NSUN5: variants seen among roughly 807,000 people sequenced by gnomAD.
The protein encoded by NSUN5 is NOP2/Sun RNA methyltransferase 5.
In NSUN5, 39 loss-of-function variants were observed where a neutral mutation model predicts 51.1. That is an observed-to-expected ratio of 0.76 (90% CI 0.59 to 1.00). The LOEUF is 1.00. Among genes scored for constraint, NSUN5 ranks in the 50% least tolerant of loss-of-function variants. The pLI is 0.00. For missense variants in NSUN5, 526 were observed against 614.0 expected, an observed-to-expected ratio of 0.86 and a Z score of 1.51; for synonymous variants, 266 against 271.5, an observed-to-expected ratio of 0.98 and a Z score of 0.20.
In NSUN5 at chr7:73,305,017, T is replaced by G. The variant is rs144821644; in HGVS notation, c.581A>C (p.Gln194Pro). 1.0e-4 allele frequency: 167 copies of G among 1,611,458 alleles called. No homozygotes were observed. In the African/African-American group the frequency reaches 2.1e-3, roughly 20 times the overall value. Reference protein sequence around the residue: ...LMPELLVFPAQTDLHEHPLYR... With the variant: ...LMPELLVFPAPTDLHEHPLYR... ...CAGTGGGTGTTCATGCAGATCTGTC[T>G]GGGCGGGAAACACCAGCAGCTCCGG... The change falls in exon 5 of 10, where the codon CAG (glutamine) becomes CCG (proline). Residue 194 changes from glutamine (Q) to proline (P), a missense_variant. Transcript: ENST00000438747.
In NSUN5 at chr7:73,303,414, G is replaced by A. The variant is rs1803880446; in HGVS notation, c.*1C>T. On this transcript the variant is annotated 3_prime_UTR_variant, in exon 10 of 10. Transcript: ENST00000438747. Reference sequence around the variant, plus strand: ...AGGAAGGAGTCAGCCCGGAGCCTCTGCTATGTGCAAGGCGGTGTGCAAGCA... The same window carrying A: ...AGGAAGGAGTCAGCCCGGAGCCTCTACTATGTGCAAGGCGGTGTGCAAGCA... 1 of 1,614,042 alleles carries A rather than the reference G, an allele frequency of 6.2e-7. No individual in the cohort carries two copies. Among genetic ancestry groups the A allele is most frequent in the African/African-American group, 1.3e-5 (1 of 74,934 alleles).
chr7:73,306,586 G>A (rs1414931254), intron 4 of NSUN5, among the ~76,000 whole-genome samples: 6 of 151,874 alleles, frequency 4.0e-5, no homozygotes, highest in African/African-American at 1.4e-4. Context: ...GGGCTGAAGA[G>A]AAAGGAGTGG....
Position 73,308,770 on chromosome 7 carries a change from A to T in NSUN5, c.21T>A (p.Ala7=), listed in dbSNP as rs1554542413. ...TCTCCACGCCGGCCAACACGCCTGC[A>T]GCTGCAGCATACAGCCCCATGTTCC... MGLYAA[A]AGVLAGVESR... Residue 7 remains alanine, a synonymous_variant, in exon 1 of 10, where the codon GCT becomes GCA. Transcript: ENST00000438747. 6.2e-7 allele frequency: 1 copy of T among 1,613,070 alleles called. No individual in the cohort carries two copies.
Position 73,304,291 on chromosome 7 carries a change from G to C in NSUN5, c.873C>G (p.Pro291=), listed in dbSNP as rs782056635. ...GGACCTCATGGTAGCGTGGATCCGA[G>C]GGGGAGACCGCCAGGAAGTCCTCCT... The part of the protein sequence containing the change: ...LAEEDFLAVS[P]SDPRYHEVHY... The change falls in exon 7 of 10, where the codon CCC becomes CCG. Residue 291 remains proline (P), a synonymous_variant. Transcript: ENST00000438747. 4 of 1,614,014 alleles carry C rather than the reference G, an allele frequency of 2.5e-6. No individual in the cohort carries two copies. Among genetic ancestry groups the C allele is most frequent in the African/African-American group, 1.3e-5 (1 of 74,932 alleles).
chr7:73,307,740 C>G lies in NSUN5; in HGVS notation c.234G>C (p.Leu78Phe), dbSNP rs782102139. The change falls in exon 3 of 10, where the codon TTG (leucine) becomes TTC (phenylalanine). Residue 78 changes from leucine to phenylalanine, a missense_variant. Coordinates refer to ENST00000438747, the MANE Select transcript of NSUN5 (RefSeq NM_148956.4). ...CCCCTCGAAAGCCCTTTCCCAACAA[C>G]AACTCATACACTAGCACCTGGGAAT... Reference protein sequence around the residue: ...PHLAKVLVYELLLGKGFRGGG... With the variant: ...PHLAKVLVYEFLLGKGFRGGG... The G allele has an allele frequency of 6.4e-7, 1 of 1,569,098 alleles. No individual in the cohort carries two copies.
At position 73,303,418 on chromosome 7, in the gene NSUN5, T is replaced by C. The variant is rs376039129; in HGVS notation, c.1398A>G (p.Thr466=). ...AAAGACTPPC[T] Reference sequence around the variant, plus strand: ...AGGAGTCAGCCCGGAGCCTCTGCTATGTGCAAGGCGGTGTGCAAGCACCGG... The same window carrying C: ...AGGAGTCAGCCCGGAGCCTCTGCTACGTGCAAGGCGGTGTGCAAGCACCGG... The change falls in exon 10 of 10, where the codon ACA becomes ACG. Residue 466 remains threonine (T), a synonymous_variant. Coordinates refer to ENST00000438747, the MANE Select transcript of NSUN5 (RefSeq NM_148956.4). The C allele has an allele frequency of 2.0e-5, 32 of 1,614,044 alleles. No homozygotes were observed. Among genetic ancestry groups the C allele is most frequent in the Non-Finnish European group, 2.3e-5 (27 of 1,180,022 alleles).
rs7811218 is a variant in NSUN5 at position 73,307,243 on chromosome 7, G to C, written c.500+151C>G. 3,665 of 612,628 alleles carry C rather than the reference G, an allele frequency of 6.0e-3. 88 individuals carry two copies. Among genetic ancestry groups the C allele is most frequent in the African/African-American group, 0.058 (3,146 of 54,218 alleles). The allele number at this position is 612,628 out of a possible 1,614,324, so 37.9% of individuals were successfully genotyped here. ...GCTCCTAGGAGTTCGATGTTTAAGG[G>C]ATGGCAGGAAGACAAACCTTGGAGA... On this transcript the variant is annotated intron_variant, in intron 4 of 9. Transcript: ENST00000438747.
Position 73,303,471 on chromosome 7 carries a change from T to C in NSUN5, c.1345A>G (p.Arg449Gly). Residue 449 changes from arginine (R) to glycine (G), a missense_variant, in exon 10 of 10, where the codon AGA becomes GGA. Transcript: ENST00000438747. ...GCGGCTCTTTGCTGTCTCTTCTTTC[T>C]CTTTGGGGCTGGGCTGGGTGTGCGT... ...PERTPSPAPK[R>G]KKRQQRAAAG... 1.9e-6 allele frequency: 3 copies of C among 1,614,188 alleles called. No individual in the cohort carries two copies. The highest frequency in any genetic ancestry group is 2.5e-6 in the Non-Finnish European group (3 of 1,180,038).
Position 73,308,764 on chromosome 7 carries a change from G to A in NSUN5, c.27C>T (p.Gly9=). 1 of 1,612,950 alleles carries A rather than the reference G, an allele frequency of 6.2e-7. No homozygotes were observed. The highest frequency in any genetic ancestry group is 8.5e-7 in the Non-Finnish European group (1 of 1,179,822). The part of the protein sequence containing the change: MGLYAAAA[G]VLAGVESRQG... ...GGCGGCTCTCCACGCCGGCCAACACGCCTGCAGCTGCAGCATACAGCCCCA... is the reference window on the plus strand; with the variant it reads ...GGCGGCTCTCCACGCCGGCCAACACACCTGCAGCTGCAGCATACAGCCCCA... Residue 9 remains glycine (G), a synonymous_variant, in exon 1 of 10, where the codon GGC becomes GGT. Transcript: ENST00000438747.
At chr7:73,305,958 G>A (rs1804022221) in intron 4 of NSUN5, among the ~76,000 whole-genome samples, 1 of 152,160 alleles carries the variant, frequency 6.6e-6, no homozygotes, top group African/African-American at 2.4e-5. Flanking sequence ...AGGACAAAAC[G>A]AGACAGGTGT....
Position 73,308,755 on chromosome 7 carries a change from G to A in NSUN5, c.36C>T (p.Ala12=), listed in dbSNP as rs782519924. 28 of 1,612,672 alleles carry A rather than the reference G, an allele frequency of 1.7e-5. No homozygotes were observed. Among genetic ancestry groups the A allele is most frequent in the Admixed American group, 1.0e-4 (6 of 60,002 alleles). Residue 12 remains alanine, a synonymous_variant, in exon 1 of 10, where the codon GCC becomes GCT. Coordinates refer to ENST00000438747, the MANE Select transcript of NSUN5 (RefSeq NM_148956.4). ...TAGAGCCCTGGCGGCTCTCCACGCCGGCCAACACGCCTGCAGCTGCAGCAT... is the reference window on the plus strand; with the variant it reads ...TAGAGCCCTGGCGGCTCTCCACGCCAGCCAACACGCCTGCAGCTGCAGCAT... ...GLYAAAAGVL[A]GVESRQGSIK... is the part of the protein sequence containing the mutation.
Position 73,308,471 on chromosome 7 carries a change from A to G in NSUN5, c.176T>C (p.Leu59Pro). ...VLDAVIASAG[L>P]LRAEKKLRPH... ...CCGCAGCTTCTTCTCCGCACGGAGGAGGCCGGCGCTGGCGATCACAGCATC... is the reference window on the plus strand; with the variant it reads ...CCGCAGCTTCTTCTCCGCACGGAGGGGGCCGGCGCTGGCGATCACAGCATC... Residue 59 changes from leucine to proline, a missense_variant, in exon 2 of 10, where the codon CTC (leucine) becomes CCC (proline). Leu to Pro is a moderately conservative substitution (Grantham distance 98). Coordinates refer to ENST00000438747, the MANE Select transcript of NSUN5 (RefSeq NM_148956.4). 6.2e-7 allele frequency: 1 copy of G among 1,607,476 alleles called. No individual in the cohort carries two copies. The highest frequency in any genetic ancestry group is 1.3e-5 in the African/African-American group (1 of 74,886).
In NSUN5 at chr7:73,303,586, C is replaced by T. The variant is rs1320839635; in HGVS notation, c.1286+14G>A. 1.1e-5 allele frequency: 18 copies of T among 1,614,042 alleles called. No homozygotes were observed. The East Asian group carries it at 3.6e-4, about 32-fold the overall frequency. On this transcript the variant is annotated intron_variant, in intron 9 of 9. Transcript: ENST00000438747. ...GCCATCCTGCGCCTCCCAAGCACGC[C>T]CCCACTCACTCACCTTGGCACCTCG...
rs541938571 is a variant in NSUN5 at position 73,304,973 on chromosome 7, T to C, written c.625A>G (p.Ile209Val). ...CTCTTGCCTACCCTGTCCTGCAGAA[T>C]GAGGTGTCCGGCCCGGTACAGTGGG... ...EHPLYRAGHL[I>V]LQDRASCLPA... The change falls in exon 5 of 10, where the codon ATT becomes GTT. Residue 209 changes from isoleucine to valine, a missense_variant. Ile to Val is a conservative substitution (Grantham distance 29, BLOSUM62 3). Transcript: ENST00000438747. The C allele has an allele frequency of 1.8e-5, 29 of 1,612,264 alleles. No individual in the cohort carries two copies. In the South Asian group the frequency reaches 2.9e-4, roughly 16 times the overall value.
intron 4 of NSUN5, among the ~76,000 whole-genome samples, chr7:73,306,748 G>T (rs1804056251): frequency 6.6e-6 from 1 of 151,806 alleles, no homozygotes; most frequent in Non-Finnish European, 1.5e-5. Flanking sequence ...GACATTGGTG[G>T]TGGGAGCCTC....
Position 73,307,685 on chromosome 7 carries a change from G to C in NSUN5, c.289C>G (p.Arg97Gly), listed in dbSNP as rs370837903. The stretch of plus-strand genomic sequence containing the variant: ...TCAGCCTTGAGCCTCGCCTGGTGCC[G>C]GCCCAACAGAGCCTTCCATCGGCCC... ...GGGRWKALLG[R>G]HQARLKAELA... The change falls in exon 3 of 10, where the codon CGG (arginine) becomes GGG (glycine). Residue 97 changes from arginine (R) to glycine (G), a missense_variant. Transcript: ENST00000438747. 1 of 1,611,274 alleles carries C rather than the reference G, an allele frequency of 6.2e-7. No individual in the cohort carries two copies. Among genetic ancestry groups the C allele is most frequent in the Non-Finnish European group, 8.5e-7 (1 of 1,178,774 alleles).
rs1188084194 is a variant in NSUN5, at chr7:73,304,234, G to C, written c.930C>G (p.Gly310=). The change falls in exon 7 of 10, where the codon GGC becomes GGG. Residue 310 remains glycine, a synonymous_variant. Transcript: ENST00000438747. The part of the protein sequence containing the change: ...HYILLDPSCS[G]SGMPSRQLEE... The stretch of plus-strand genomic sequence containing the variant: ...CACGCTTTCTCGCCATCTCACCCGA[G>C]CCACTGCAGGAAGGATCCAGCAGGA... 1.2e-6 allele frequency: 2 copies of C among 1,607,992 alleles called. No individual in the cohort carries two copies. Among genetic ancestry groups the C allele is most frequent in the African/African-American group, 2.7e-5 (2 of 74,752 alleles).
Position 73,303,847 on chromosome 7 carries a change from T to C in NSUN5, c.1124A>G (p.Gln375Arg). Residue 375 changes from glutamine to arginine, a missense_variant, in exon 8 of 10, where the codon CAG becomes CGG. By Grantham distance (43) the Gln-to-Arg change is conservative. Transcript: ENST00000438747. ...ENEDVVRDALQQNPGAFRLAP... is the reference protein window; with the variant it reads ...ENEDVVRDALRQNPGAFRLAP... ...GTACCTGAAGGCGCCCGGGTTCTGC[T>C]GCAGCGCATCTCGCACCACGTCTTC... 1 of 1,613,872 alleles carries C rather than the reference T, an allele frequency of 6.2e-7. No individual in the cohort carries two copies. Among genetic ancestry groups the C allele is most frequent in the Non-Finnish European group, 8.5e-7 (1 of 1,179,910 alleles).
At chr7:73,308,595 G>A in intron 1 of NSUN5, 42 bp from the exon 2 acceptor site, 1 of 1,587,710 alleles carries the variant, frequency 6.3e-7, no homozygotes, top group Non-Finnish European at 8.6e-7. Context: ...GGCTCCCCCG[G>A]CCCTCCTCGC....
Sources: allele counts gnomAD v4.1 joint callset (sites outside exome capture counted in the v4.1 genomes callset), GRCh38; gene constraint gnomAD v4.1.1; transcripts MANE v1.5; gene names NCBI Gene and HGNC (gene_info 2026-07-23, HGNC 2026-07-21).